GRIA4: variants seen among roughly 807,000 people sequenced by gnomAD.
The protein encoded by GRIA4 is glutamate receptor 4.
GRIA4 carries 34 observed loss-of-function variants against 104.0 expected under a neutral mutation model. The ratio of observed to expected loss-of-function variants is 0.33; its 90% CI spans 0.25 to 0.44. The LOEUF (loss-of-function observed/expected upper bound fraction) is 0.44. GRIA4 is among the 20% of genes least tolerant of loss of function. GRIA4 has a pLI of 1.00. For missense variants in GRIA4, 750 were observed against 1,096.5 expected (o/e 0.68, Z 4.46); for synonymous variants, 386 against 381.9 (o/e 1.01, Z -0.13).
In GRIA4 at chr11:105,979,767, A is replaced by C. The variant is rs1397090712; in HGVS notation, c.*28A>C. 1 of 1,575,966 alleles carries C rather than the reference A, an allele frequency of 6.3e-7. No homozygotes were observed. Among genetic ancestry groups the C allele is most frequent in the Admixed American group, 1.7e-5 (1 of 59,458 alleles). ...ACCAAAAAAATAATTGAGTGCCTTA[A>C]TTAAACTGTTGGTGACTGGTGGAAA... On this transcript the variant is annotated 3_prime_UTR_variant, in exon 17 of 17. Coordinates refer to ENST00000282499, the MANE Select transcript of GRIA4 (RefSeq NM_000829.4).
At chr11:105,921,092 C>T (rs1407055223) in intron 11 of GRIA4, among the ~76,000 whole-genome samples, 2 of 152,052 alleles carry the variant, frequency 1.3e-5, no homozygotes, top group Non-Finnish European at 2.9e-5. Flanking sequence ...TTTTACTTTA[C>T]TCCTTGCAAA....
intron 3 of GRIA4, among the ~76,000 whole-genome samples, chr11:105,703,348 C>T (rs1953573579): frequency 6.6e-6 from 1 of 152,074 alleles, no homozygotes; most frequent in Admixed American, 6.6e-5. Flanking sequence ...TGGGTACTTG[C>T]AGTAAACTCT....
intron 3 of GRIA4, among the ~76,000 whole-genome samples, chr11:105,717,018 T>C (rs569065533): frequency 1.3e-5 from 2 of 152,300 alleles, no homozygotes; most frequent in African/African-American, 4.8e-5. Flanking sequence ...CAGTGTTACA[T>C]GGAGGTTTAT....
At chr11:105,682,324 G>C (rs1049828220) in intron 3 of GRIA4, among the ~76,000 whole-genome samples, 1 of 152,096 alleles carries the variant, frequency 6.6e-6, no homozygotes, top group Non-Finnish European at 1.5e-5. Flanking sequence ...GGTCTCAAGT[G>C]ATCCTTCCAC....
intron 3 of GRIA4, among the ~76,000 whole-genome samples, chr11:105,732,704 G>T (rs1010828568): frequency 1.3e-5 from 2 of 152,150 alleles, no homozygotes; most frequent in Non-Finnish European, 1.5e-5. Context: ...GCATGGCAAA[G>T]AAAAGTAGAT....
chr11:105,850,786 G>A (rs752106089), intron 4 of GRIA4, among the ~76,000 whole-genome samples: 9 of 152,164 alleles, frequency 5.9e-5, no homozygotes, highest in Non-Finnish European at 1.0e-4. Flanking sequence ...TACGCTCAAT[G>A]TAAAGAGCAG....
intron 4 of GRIA4, among the ~76,000 whole-genome samples, chr11:105,775,411 T>C (rs1209934474): frequency 1.3e-5 from 2 of 152,150 alleles, no homozygotes; most frequent in Non-Finnish European, 2.9e-5. Flanking sequence ...AAAGATACTA[T>C]ATATGCTTAT....
At chr11:105,848,252 T>C (rs1254088012) in intron 4 of GRIA4, among the ~76,000 whole-genome samples, 1 of 152,202 alleles carries the variant, frequency 6.6e-6, no homozygotes, top group African/African-American at 2.4e-5. Flanking sequence ...AGGCAGCACT[T>C]TTTTGTACTC....
chr11:105,671,422 A>C (rs1952360954), intron 3 of GRIA4, among the ~76,000 whole-genome samples: 1 of 151,988 alleles, frequency 6.6e-6, no homozygotes, highest in Non-Finnish European at 1.5e-5. Flanking sequence ...CACACCTGTA[A>C]TCCCAGCAAT....
chr11:105,794,163 C>T (rs1373485778), intron 4 of GRIA4, among the ~76,000 whole-genome samples: 1 of 151,582 alleles, frequency 6.6e-6, no homozygotes, highest in Admixed American at 6.6e-5. Context: ...GTCTCTTTGT[C>T]CACCAATTAA....
intron 3 of GRIA4, among the ~76,000 whole-genome samples, chr11:105,751,817 C>A (rs1163683429): frequency 6.6e-6 from 1 of 152,136 alleles, no homozygotes; most frequent in African/African-American, 2.4e-5. Flanking sequence ...CATAGCATAG[C>A]ACTTTTACAT....
At chr11:105,875,095 C>A (rs972252955) in intron 5 of GRIA4, among the ~76,000 whole-genome samples, 1 of 152,150 alleles carries the variant, frequency 6.6e-6, no homozygotes, top group Non-Finnish European at 1.5e-5. Context: ...TCCATCAATA[C>A]CTAGTTTATT....
intron 3 of GRIA4, among the ~76,000 whole-genome samples, chr11:105,642,151 G>T (rs1308772117): frequency 6.6e-6 from 1 of 151,992 alleles, no homozygotes; most frequent in African/African-American, 2.4e-5. Context: ...CCCAAATACA[G>T]TCACATTCTG....
chr11:105,627,602 G>T (rs1276700401), intron 3 of GRIA4, among the ~76,000 whole-genome samples: 1 of 152,096 alleles, frequency 6.6e-6, no homozygotes, highest in Non-Finnish European at 1.5e-5. Context: ...GTTGCTGTTT[G>T]TAAGACCCAT....
intron 3 of GRIA4, among the ~76,000 whole-genome samples, chr11:105,665,205 A>T (rs2135421533): frequency 6.6e-6 from 1 of 152,100 alleles, no homozygotes; most frequent in Admixed American, 6.6e-5. Context: ...ATTTTATGAG[A>T]GTCAAATTAT....
chr11:105,807,013 G>A (rs1460086966), intron 4 of GRIA4, among the ~76,000 whole-genome samples: 1 of 151,790 alleles, frequency 6.6e-6, no homozygotes, highest in African/African-American at 2.4e-5. Context: ...AAATAGTCAA[G>A]CAATAGTAAT....
chr11:105,681,345 G>A (rs754878562), intron 3 of GRIA4, among the ~76,000 whole-genome samples: 3 of 152,162 alleles, frequency 2.0e-5, no homozygotes, highest in Non-Finnish European at 2.9e-5. Flanking sequence ...TTTGTTTACT[G>A]TTTTCTGAAG....
At chr11:105,708,757 TA>T (rs1055900679) in intron 3 of GRIA4, among the ~76,000 whole-genome samples, 2 of 151,248 alleles carry the variant, frequency 1.3e-5, no homozygotes, top group Admixed American at 6.6e-5. Context: ...AAGTTGCAAA[TA>T]AAAAAAAGAG....
chr11:105,873,782 ATTTG>A (rs1195692176), intron 5 of GRIA4, among the ~76,000 whole-genome samples: 13 of 152,004 alleles, frequency 8.6e-5, no homozygotes, highest in African/African-American at 2.4e-4. Context: ...TTTCTTGTAA[ATTTG>A]TTTAAGTTCC....
Sources: allele counts gnomAD v4.1 joint callset (sites outside exome capture counted in the v4.1 genomes callset), GRCh38; gene constraint gnomAD v4.1.1; transcripts MANE v1.5; gene names NCBI Gene and HGNC (gene_info 2026-07-23, HGNC 2026-07-21).